ATP6V0D2: variants seen among roughly 807,000 people sequenced by gnomAD.
The protein encoded by ATP6V0D2 is ATPase H+ transporting V0 subunit d2, also known as V-type proton ATPase subunit d 2.
Under a neutral mutation model 40.0 loss-of-function variants are expected in ATP6V0D2, and 40 were observed. The ratio of observed to expected loss-of-function variants is 1.00; its 90% confidence interval spans 0.78 to 1.30. ATP6V0D2 has a LOEUF of 1.30. Among genes scored for constraint, ATP6V0D2 ranks in the 50% most tolerant of loss-of-function variants. The pLI is 0.00. For synonymous variants in ATP6V0D2, 179 were observed against 156.3 expected, an observed-to-expected ratio of 1.15 and a Z score of -1.08; for missense variants, 470 against 423.1, an observed-to-expected ratio of 1.11 and a Z score of -0.97.
intron 2 of ATP6V0D2, among the ~76,000 whole-genome samples, chr8:86,126,993 T>C (rs1384953103): frequency 1.3e-5 from 2 of 152,208 alleles, no homozygotes; most frequent in Non-Finnish European, 2.9e-5. Flanking sequence ...CAATGCTGAC[T>C]TGTAAGTAAC....
chr8:86,106,433 T>C (rs543382455), intron 1 of ATP6V0D2, among the ~76,000 whole-genome samples: 1 of 152,342 alleles, frequency 6.6e-6, no homozygotes, highest in Non-Finnish European at 1.5e-5. Flanking sequence ...ATAAGTGCTT[T>C]CTTATCTCAT....
At chr8:86,140,265 A>G (rs2130272981) in intron 3 of ATP6V0D2, among the ~76,000 whole-genome samples, 1 of 152,340 alleles carries the variant, frequency 6.6e-6, no homozygotes, top group Non-Finnish European at 1.5e-5. Flanking sequence ...AAATCTGGAT[A>G]GTAGCAATTC....
At chr8:86,148,684 T>C (rs55831215) in intron 5 of ATP6V0D2, among the ~76,000 whole-genome samples, 26,023 of 151,992 alleles carry the variant, frequency 0.17, 2,526 homozygotes, top group East Asian at 0.32. Flanking sequence ...TTATGGAGAA[T>C]GTTGGAGAAT....
chr8:86,114,283 T>C (rs2130239525), intron 2 of ATP6V0D2, among the ~76,000 whole-genome samples: 1 of 152,372 alleles, frequency 6.6e-6, no homozygotes, highest in Non-Finnish European at 1.5e-5. Context: ...ATTCCCTTTG[T>C]AACAGTATAA....
chr8:86,125,530 A>C (rs1328341367), intron 2 of ATP6V0D2, among the ~76,000 whole-genome samples: 1 of 152,190 alleles, frequency 6.6e-6, no homozygotes, highest in Non-Finnish European at 1.5e-5. Context: ...TAGTACCTTT[A>C]TAATCACTTT....
chr8:86,129,250 G>T (rs115446428), intron 2 of ATP6V0D2, among the ~76,000 whole-genome samples: 1 of 152,208 alleles, frequency 6.6e-6, no homozygotes, highest in Non-Finnish European at 1.5e-5. Context: ...CAAAGCCTGG[G>T]CTCCTACTGT....
At chr8:86,143,128 C>T (rs1423901917) in intron 5 of ATP6V0D2, among the ~76,000 whole-genome samples, 174 bp downstream of exon 5, 1 of 151,524 alleles carries the variant, frequency 6.6e-6, no homozygotes, top group Non-Finnish European at 1.5e-5. Flanking sequence ...GTTGTATTTT[C>T]CAACTCTTAA....
intron 1 of ATP6V0D2, among the ~76,000 whole-genome samples, chr8:86,101,188 G>A (rs1358669901): frequency 6.7e-6 from 1 of 150,136 alleles, no homozygotes; most frequent in Non-Finnish European, 1.5e-5. Context: ...GTCGGGTATA[G>A]TGGCTCATGC....
At chr8:86,150,562 C>A (rs1819131222) in intron 6 of ATP6V0D2, among the ~76,000 whole-genome samples, 1 of 152,074 alleles carries the variant, frequency 6.6e-6, no homozygotes, top group Admixed American at 6.5e-5. Flanking sequence ...TTTGATAAAG[C>A]AAGTTCCCCC....
chr8:86,121,228 G>A (rs1472694978), intron 2 of ATP6V0D2, among the ~76,000 whole-genome samples: 4 of 152,084 alleles, frequency 2.6e-5, no homozygotes, highest in Non-Finnish European at 4.4e-5. Flanking sequence ...TAGCAACCCT[G>A]GCAGCATTCA....
intron 2 of ATP6V0D2, among the ~76,000 whole-genome samples, chr8:86,133,127 G>C (rs1366785118): frequency 3.3e-5 from 5 of 152,004 alleles, no homozygotes; most frequent in African/African-American, 1.2e-4. Flanking sequence ...TAAGAAACTT[G>C]AGACCCAGGG....
chr8:86,141,527 A>G lies in ATP6V0D2; in HGVS notation c.559A>G (p.Lys187Glu). The G allele has an allele frequency of 1.3e-6, 2 of 1,584,650 alleles. No individual in the cohort carries two copies. Among genetic ancestry groups the G allele is most frequent in the South Asian group, 1.1e-5 (1 of 88,968 alleles). ...TGAATTGCTACGCAATAAACTATAC[A>G]AGGTAATGGTTTTCCCAAATATTGT... ...NIELLRNKLY[K>E]SYLEAFYKFC... The change falls in exon 4 of 8, where the codon AAG (lysine) becomes GAG (glutamate). Residue 187 changes from lysine to glutamate, a missense_variant and splice_region_variant. Coordinates refer to ENST00000285393, the MANE Select transcript of ATP6V0D2 (RefSeq NM_152565.1).
rs931181282 is a variant in ATP6V0D2, at chr8:86,115,271, C to T, written c.302+1391C>T. On this transcript the variant is annotated intron_variant, in intron 2 of 7. Transcript: ENST00000285393. ...AAAATGATGGCGCTGCCTCAAGGAG[C>T]AGGGAATGAAAAGAATCCGCTTATC... 2.6e-5 allele frequency among the ~76,000 whole-genome samples: 4 copies of T among 150,950 alleles called. No individual in the cohort carries two copies. The Admixed American group carries it at 2.7e-4, about 10-fold the overall frequency.
chr8:86,113,903 A>G, intron 2 of ATP6V0D2, 23 bp downstream of exon 2: 1 of 1,598,810 alleles, frequency 6.3e-7, no homozygotes, highest in Non-Finnish European at 8.5e-7. Context: ...AGAAAGCCCT[A>G]ATAAGCCCCA....
intron 1 of ATP6V0D2, among the ~76,000 whole-genome samples, chr8:86,105,498 A>G (rs917286211): frequency 6.6e-6 from 1 of 151,372 alleles, no homozygotes; most frequent in African/African-American, 2.4e-5. Context: ...GGGTTTATTC[A>G]TGTTGCGCAG....
intron 1 of ATP6V0D2, 42 bp downstream of exon 1, chr8:86,099,150 A>T: frequency 6.4e-7 from 1 of 1,555,472 alleles, no homozygotes. Flanking sequence ...AAAAAAAAAA[A>T]AATGAAATGA....
intron 3 of ATP6V0D2, among the ~76,000 whole-genome samples, chr8:86,140,482 C>T (rs187800221): frequency 6.6e-6 from 1 of 152,238 alleles, no homozygotes; most frequent in Admixed American, 6.5e-5. Flanking sequence ...CAATTCACCC[C>T]AGTTTCCTCA....
In ATP6V0D2 at chr8:86,116,584, T is replaced by C. The variant is rs545595155; in HGVS notation, c.302+2704T>C. ...CATTTACCAATCATTTATTGACAAG[T>C]AGCTAAATTATTTTTATTTTTTCCG... On this transcript the variant is annotated intron_variant, in intron 2 of 7. Coordinates refer to ENST00000285393, the MANE Select transcript of ATP6V0D2 (RefSeq NM_152565.1). Among the ~76,000 whole-genome samples the C allele has an allele frequency of 2.0e-5, 3 of 152,296 alleles. 1 individual carries two copies. Among genetic ancestry groups the C allele is most frequent in the African/African-American group, 7.2e-5 (3 of 41,570 alleles).
intron 2 of ATP6V0D2, among the ~76,000 whole-genome samples, chr8:86,134,022 A>G (rs1818863953): frequency 6.6e-6 from 1 of 152,220 alleles, no homozygotes; most frequent in Admixed American, 6.5e-5. Flanking sequence ...AAGACATGTC[A>G]TAATCAAACT....
Sources: allele counts gnomAD v4.1 joint callset (sites outside exome capture counted in the v4.1 genomes callset), GRCh38; gene constraint gnomAD v4.1.1; transcripts MANE v1.5; gene names NCBI Gene and HGNC (gene_info 2026-07-23, HGNC 2026-07-21).